Variants in DSCAM observed in about 807,000 individuals in gnomAD.
DSCAM encodes the protein DS cell adhesion molecule, also known as cell adhesion molecule DSCAM.
DSCAM carries 47 observed loss-of-function variants against 217.7 expected under a neutral mutation model. That is an observed-to-expected ratio of 0.22 (90% CI 0.17 to 0.28). The LOEUF (loss-of-function observed/expected upper bound fraction) is 0.28. Among genes scored for constraint, DSCAM ranks in the 10% least tolerant of loss-of-function variants. The pLI, the probability that DSCAM is intolerant of heterozygous loss-of-function variation, is 1.00. For missense variants in DSCAM, 2,080 were observed against 2,618.3 expected (o/e 0.79, Z 4.49); for synonymous variants, 1,056 against 1,015.3 (o/e 1.04, Z -0.76).
At chr21:40,284,064 G>A (rs902805148) in intron 10 of DSCAM, among the ~76,000 whole-genome samples, 2 of 152,256 alleles carry the variant, frequency 1.3e-5, no homozygotes, top group African/African-American at 4.8e-5. Flanking sequence ...AGGAAGGGGG[G>A]TTTCCTCTCT....
At chr21:40,336,454 A>G (rs2074430869) in intron 8 of DSCAM, among the ~76,000 whole-genome samples, 1 of 152,228 alleles carries the variant, frequency 6.6e-6, no homozygotes. Flanking sequence ...TGGTAATGTT[A>G]GTAGTTGTGA....
rs144313780 is a variant in DSCAM, at chr21:40,210,209, A to G, written c.2357-20971T>C. 9.3e-3 allele frequency among the ~76,000 whole-genome samples: 1,419 copies of G among 152,196 alleles called. 25 individuals are homozygous for G. Among genetic ancestry groups the G allele is most frequent in the African/African-American group, 0.031 (1,275 of 41,538 alleles). The stretch of plus-strand genomic sequence containing the variant: ...AGTTCTTCAAGTTGGATTTCATTCC[A>G]CCTTCCAGGTTAAACTCACGTCCTA... On this transcript the variant is annotated intron_variant, in intron 11 of 32. Transcript: ENST00000400454.
intron 1 of DSCAM, among the ~76,000 whole-genome samples, chr21:40,776,131 G>T (rs4818173): frequency 6.6e-6 from 1 of 151,808 alleles, no homozygotes. Flanking sequence ...GTGTAAAGTG[G>T]CCTATCATGT....
chr21:40,761,250 G>A (rs892533235), intron 1 of DSCAM, among the ~76,000 whole-genome samples: 3 of 152,160 alleles, frequency 2.0e-5, no homozygotes, highest in South Asian at 2.1e-4. Flanking sequence ...CTCCCAGCTC[G>A]GTACCTGTTA....
chr21:40,559,286 G>A (rs1248830990), intron 3 of DSCAM, among the ~76,000 whole-genome samples: 3 of 151,794 alleles, frequency 2.0e-5, no homozygotes, highest in Middle Eastern at 3.4e-3. Context: ...GTGAAACCCC[G>A]TCTCTACTAA....
chr21:40,576,690 T>C (rs1481641069), intron 3 of DSCAM, among the ~76,000 whole-genome samples: 6 of 151,926 alleles, frequency 3.9e-5, no homozygotes, highest in Non-Finnish European at 8.8e-5. Context: ...TTAATACTTA[T>C]AATATATATA....
At chr21:40,135,164 C>A (rs74481872) in intron 18 of DSCAM, among the ~76,000 whole-genome samples, 1 of 152,164 alleles carries the variant, frequency 6.6e-6, no homozygotes, top group Non-Finnish European at 1.5e-5. Flanking sequence ...GGGCTGTCAG[C>A]GACACATTGG....
At chr21:40,149,998 C>T (rs568758634) in intron 16 of DSCAM, among the ~76,000 whole-genome samples, 1 of 152,298 alleles carries the variant, frequency 6.6e-6, no homozygotes, top group South Asian at 2.1e-4. Flanking sequence ...ACCACAATGA[C>T]CACAACTACT....
intron 11 of DSCAM, among the ~76,000 whole-genome samples, chr21:40,226,939 C>T (rs781336479): frequency 6.6e-6 from 1 of 152,054 alleles, no homozygotes; most frequent in African/African-American, 2.4e-5. Flanking sequence ...TGTCTTGTTA[C>T]TCTCTCTGTG....
rs896523851 is a variant in DSCAM at position 40,353,107 on chromosome 21, C to CCT, written c.934+356_934+357dup. 1.1e-4 allele frequency among the ~76,000 whole-genome samples: 17 copies of CCT among 152,218 alleles called. No homozygotes were observed. The East Asian group carries it at 2.9e-3, about 26-fold the overall frequency. ...ACTTGTGCTGAAAGAACAATCCTAC[C>CCT]CTCTCTCTCTGTTCATTTTTAGAGA... On this transcript the variant is annotated intron_variant, in intron 5 of 32. Transcript: ENST00000400454.
intron 4 of DSCAM, among the ~76,000 whole-genome samples, chr21:40,358,814 A>AT (rs1032448206): frequency 3.3e-5 from 5 of 152,038 alleles, no homozygotes; most frequent in African/African-American, 9.7e-5. Flanking sequence ...AAAAAAAAAA[A>AT]AAAAATTAAG....
At chr21:40,207,541 G>A (rs1195164410) in intron 11 of DSCAM, among the ~76,000 whole-genome samples, 1 of 152,146 alleles carries the variant, frequency 6.6e-6, no homozygotes, top group Non-Finnish European at 1.5e-5. Flanking sequence ...TATAAGGATG[G>A]CTCATTGCAA....
At chr21:40,529,211 T>C (rs1416589320) in intron 3 of DSCAM, among the ~76,000 whole-genome samples, 1 of 152,128 alleles carries the variant, frequency 6.6e-6, no homozygotes, top group Non-Finnish European at 1.5e-5. Flanking sequence ...TTTCCATTTT[T>C]AGCCCCTCCT....
intron 3 of DSCAM, among the ~76,000 whole-genome samples, chr21:40,459,229 A>G (rs2075787044): frequency 6.6e-6 from 1 of 152,192 alleles, no homozygotes; most frequent in Non-Finnish European, 1.5e-5. Context: ...AAACTAAGCA[A>G]GAAAAGAAGA....
chr21:40,647,439 T>C (rs562636060), intron 3 of DSCAM, among the ~76,000 whole-genome samples: 4 of 152,226 alleles, frequency 2.6e-5, no homozygotes, highest in Non-Finnish European at 5.9e-5. Context: ...AGACTAAGAA[T>C]ATAATGTAAG....
chr21:40,319,559 G>T (rs1182909681), intron 8 of DSCAM, among the ~76,000 whole-genome samples: 2 of 152,126 alleles, frequency 1.3e-5, no homozygotes, highest in Non-Finnish European at 2.9e-5. Context: ...GGGATCACAG[G>T]TACCCCCTTC....
At chr21:40,093,198 C>T (rs962332871) in intron 21 of DSCAM, among the ~76,000 whole-genome samples, 15 of 152,166 alleles carry the variant, frequency 9.9e-5, no homozygotes, top group Admixed American at 2.0e-4. Flanking sequence ...ACCAGTTTAA[C>T]GTACAAATGT....
intron 3 of DSCAM, among the ~76,000 whole-genome samples, chr21:40,625,987 A>T (rs1321690532): frequency 6.6e-6 from 1 of 152,210 alleles, no homozygotes; most frequent in Non-Finnish European, 1.5e-5. Context: ...TTAGGTGTCT[A>T]AATTTGAAAA....
chr21:40,172,422 A>G (rs2090668913), intron 15 of DSCAM, among the ~76,000 whole-genome samples: 1 of 152,244 alleles, frequency 6.6e-6, no homozygotes. Flanking sequence ...GTTTGGCTGA[A>G]AACACAGGGA....
Sources: gnomAD v4.1 joint callset for allele counts (sites outside exome capture counted in the v4.1 genomes callset) on GRCh38, gnomAD v4.1.1 for gene constraint, MANE v1.5 for transcripts, NCBI Gene and HGNC (gene_info 2026-07-23, HGNC 2026-07-21) for gene names.